Variants in L3MBTL3 observed in about 807,000 individuals in gnomAD.
The protein encoded by L3MBTL3 is lethal(3)malignant brain tumor-like protein 3.
A neutral mutation model predicts 102.3 loss-of-function variants in L3MBTL3; 27 were observed. The observed-to-expected ratio is 0.26, with a 90% CI of 0.19 to 0.36. L3MBTL3 has a LOEUF of 0.36. Ranked by LOEUF, L3MBTL3 falls within the 10% of genes least tolerant of loss-of-function variation. The pLI is 1.00. For missense variants in L3MBTL3, 798 were observed against 955.3 expected (o/e 0.84, Z 2.17); for synonymous variants, 340 against 320.9 (o/e 1.06, Z -0.64).
At chr6:130,129,610 T>G (rs1292930328) in intron 20 of L3MBTL3, among the ~76,000 whole-genome samples, 2 of 152,218 alleles carry the variant, frequency 1.3e-5, no homozygotes, top group African/African-American at 4.8e-5. Context: ...AAGAGTTTGA[T>G]CACATACCTT....
At chr6:130,081,901 T>C (rs1248432774) in intron 14 of L3MBTL3, among the ~76,000 whole-genome samples, 3 of 152,190 alleles carry the variant, frequency 2.0e-5, no homozygotes, top group Non-Finnish European at 2.9e-5. Flanking sequence ...CTCCAGCTTC[T>C]ATTAATTAGG....
intron 20 of L3MBTL3, among the ~76,000 whole-genome samples, chr6:130,132,670 G>A (rs1787185519): frequency 6.6e-6 from 1 of 152,106 alleles, no homozygotes; most frequent in Admixed American, 6.5e-5. Flanking sequence ...GCGTCCAGAG[G>A]ACAAAAATCC....
intron 20 of L3MBTL3, among the ~76,000 whole-genome samples, chr6:130,124,428 T>C (rs1372921822): frequency 6.6e-6 from 1 of 152,194 alleles, no homozygotes. Flanking sequence ...TTATGTGAGA[T>C]TAGGCCACCT....
intron 2 of L3MBTL3, among the ~76,000 whole-genome samples, chr6:130,038,075 G>T (rs750642455): frequency 6.6e-6 from 1 of 151,686 alleles, no homozygotes; most frequent in Admixed American, 6.6e-5. Context: ...TGTCCTTCAG[G>T]CTTATCCATG....
chr6:130,083,115 G>A (rs1045149847), intron 14 of L3MBTL3, among the ~76,000 whole-genome samples: 7 of 152,140 alleles, frequency 4.6e-5, no homozygotes, highest in Non-Finnish European at 7.4e-5. Context: ...CATCATTTGT[G>A]TGTGTTTGTT....
chr6:130,135,868 G>A (rs554325667), intron 22 of L3MBTL3, among the ~76,000 whole-genome samples: 13 of 152,328 alleles, frequency 8.5e-5, no homozygotes, highest in Admixed American at 5.2e-4. Flanking sequence ...GTTCTCAAGT[G>A]TCTCACAAGG....
intron 1 of L3MBTL3, among the ~76,000 whole-genome samples, chr6:130,020,934 G>A (rs1304315476): frequency 1.3e-5 from 2 of 151,344 alleles, no homozygotes; most frequent in African/African-American, 4.9e-5. Flanking sequence ...AACAAAAATA[G>A]ATTTTTAATT....
At chr6:130,068,849 T>C (rs911540856) in intron 12 of L3MBTL3, among the ~76,000 whole-genome samples, 7 of 152,200 alleles carry the variant, frequency 4.6e-5, no homozygotes, top group African/African-American at 1.7e-4. Context: ...TAGCTTTGTT[T>C]ACAGTAAACA....
At chr6:130,051,472 A>G in intron 6 of L3MBTL3, 64 bp downstream of exon 6, 1 of 1,419,060 alleles carries the variant, frequency 7.0e-7, no homozygotes, top group Non-Finnish European at 9.9e-7. Context: ...GGTGCCTGAG[A>G]ATATAGAAGT....
chr6:130,033,159 A>T (rs1337165771), intron 2 of L3MBTL3, among the ~76,000 whole-genome samples: 1 of 152,210 alleles, frequency 6.6e-6, no homozygotes, highest in Non-Finnish European at 1.5e-5. Context: ...AGGATAATCA[A>T]GGAAGCATTT....
chr6:130,072,183 A>G (rs992775802), intron 13 of L3MBTL3, among the ~76,000 whole-genome samples: 2 of 152,156 alleles, frequency 1.3e-5, no homozygotes, highest in Non-Finnish European at 2.9e-5. Context: ...TACAAATACA[A>G]ATATACAGTA....
At chr6:130,085,299 C>T (rs1474870181) in intron 15 of L3MBTL3, among the ~76,000 whole-genome samples, 1 of 152,058 alleles carries the variant, frequency 6.6e-6, no homozygotes, top group Non-Finnish European at 1.5e-5. Flanking sequence ...CTGTTGATTC[C>T]CCCAACCCAT....
intron 22 of L3MBTL3, among the ~76,000 whole-genome samples, chr6:130,138,992 A>G (rs1032089042): frequency 6.6e-6 from 1 of 152,160 alleles, no homozygotes; most frequent in Non-Finnish European, 1.5e-5. Flanking sequence ...TAGTTACCCT[A>G]CCTGCGTATT....
chr6:130,124,708 C>G (rs563119033), intron 20 of L3MBTL3, among the ~76,000 whole-genome samples: 3 of 152,310 alleles, frequency 2.0e-5, no homozygotes, highest in Non-Finnish European at 2.9e-5. Flanking sequence ...TGGTGGCTCA[C>G]GCCTATAATC....
At chr6:130,132,568 T>C (rs1787171134) in intron 20 of L3MBTL3, among the ~76,000 whole-genome samples, 1 of 152,240 alleles carries the variant, frequency 6.6e-6, no homozygotes, top group Non-Finnish European at 1.5e-5. Flanking sequence ...GGGAGGTGCC[T>C]TTCTTCTGAG....
chr6:130,075,541 T>G (rs1233830799), intron 13 of L3MBTL3, among the ~76,000 whole-genome samples: 5 of 152,192 alleles, frequency 3.3e-5, no homozygotes, highest in Admixed American at 6.5e-5. Context: ...GTCGTGGGGA[T>G]TAAAATAAGA....
chr6:130,118,929 A>G (rs1785923061), intron 19 of L3MBTL3, among the ~76,000 whole-genome samples: 1 of 152,202 alleles, frequency 6.6e-6, no homozygotes, highest in African/African-American at 2.4e-5. Context: ...CTTGGAGTTC[A>G]GAAAATAAGT....
intron 3 of L3MBTL3, among the ~76,000 whole-genome samples, chr6:130,044,331 A>G (rs1780603492): frequency 6.6e-6 from 1 of 152,138 alleles, no homozygotes; most frequent in African/African-American, 2.4e-5. Context: ...GTACAGTGCC[A>G]TTTTTAATTG....
chr6:130,040,538 A>T (rs1293241303), intron 2 of L3MBTL3, among the ~76,000 whole-genome samples: 1 of 152,150 alleles, frequency 6.6e-6, no homozygotes, highest in East Asian at 1.9e-4. Context: ...TGCCTTAGAA[A>T]AGTCTTTAGC....
Sources: allele counts gnomAD v4.1 joint callset (sites outside exome capture counted in the v4.1 genomes callset), GRCh38; gene constraint gnomAD v4.1.1; transcripts MANE v1.5; gene names NCBI Gene and HGNC (gene_info 2026-07-23, HGNC 2026-07-21).